The following ANPEP variants were observed in gnomAD, a reference collection of about 807,000 sequenced individuals.
ANPEP encodes aminopeptidase N.
Under a neutral mutation model 114.6 loss-of-function variants are expected in ANPEP, and 70 were observed. The observed-to-expected ratio is 0.61, with a 90% CI of 0.50 to 0.75. The LOEUF (loss-of-function observed/expected upper bound fraction) is 0.75, where lower values mean the gene tolerates loss of function less well. Among genes scored for constraint, ANPEP ranks in the 30% least tolerant of loss-of-function variants. The pLI, the probability that ANPEP is intolerant of heterozygous loss-of-function variation, is 0.00. For synonymous variants in ANPEP, 548 were observed against 522.3 expected, an observed-to-expected ratio of 1.05 and a Z score of -0.67; for missense variants, 1,184 against 1,259.5, an observed-to-expected ratio of 0.94 and a Z score of 0.91.
chr15:89,808,953 G>A (rs970697488), intron 1 of ANPEP, among the ~76,000 whole-genome samples: 3 of 152,184 alleles, frequency 2.0e-5, no homozygotes, highest in Non-Finnish European at 2.9e-5. Context: ...GCCCACCTTT[G>A]AGACTGAGGG....
intron 3 of ANPEP, 45 bp from the exon 4 acceptor site, chr15:89,805,262 A>G (rs780383791): frequency 3.1e-6 from 5 of 1,613,148 alleles, no homozygotes; most frequent in Middle Eastern, 1.6e-4. Context: ...CTCCTGCCCC[A>G]CACCCCAGCC....
At chr15:89,795,077 G>A (rs1218123189) in intron 15 of ANPEP, among the ~76,000 whole-genome samples, 2 of 141,230 alleles carry the variant, frequency 1.4e-5, no homozygotes, top group Non-Finnish European at 3.0e-5. Flanking sequence ...AACTCAAGAG[G>A]AAACGAGTCA....
intron 12 of ANPEP, 49 bp downstream of exon 12, chr15:89,801,062 C>G (rs755230314): frequency 6.5e-7 from 1 of 1,544,326 alleles, no homozygotes; most frequent in South Asian, 1.1e-5. Flanking sequence ...GGGCCAGGAG[C>G]TAGGAGTATG....
At position 89,812,257 on chromosome 15, in the gene ANPEP, C is replaced by T. The variant is rs1561459; in HGVS notation, c.-224+2515G>A. Among the ~76,000 whole-genome samples the T allele has an allele frequency of 3.0e-3, 463 of 152,366 alleles. 3 individuals carry two copies. Among genetic ancestry groups the T allele is most frequent in the African/African-American group, 0.011 (441 of 41,580 alleles). On this transcript the variant is annotated intron_variant, in intron 1 of 20. Coordinates refer to ENST00000300060, the MANE Select transcript of ANPEP (RefSeq NM_001150.3). ...GGCCCCACCCACTCCCACTCAGTGTCCCTGACTGTGAACTATGAGACTGGG... is the reference window on the plus strand; with the variant it reads ...GGCCCCACCCACTCCCACTCAGTGTTCCTGACTGTGAACTATGAGACTGGG...
Position 89,788,764 on chromosome 15 carries a change from C to CTTATTTAT in ANPEP, c.2751+1688_2751+1695dup, listed in dbSNP as rs60279331. ...TACAGGTATGCACCACCATGCCCAG[C>CTTATTTAT]TTATTTATTTATTTATTTATTTATT... is the stretch of plus-strand genomic sequence containing the variant. On this transcript the variant is annotated intron_variant, in intron 20 of 20. Coordinates refer to ENST00000300060, the MANE Select transcript of ANPEP (RefSeq NM_001150.3). Among the ~76,000 whole-genome samples the CTTATTTAT allele has an allele frequency of 2.9e-3, 416 of 144,106 alleles. 2 individuals are homozygous for CTTATTTAT. The highest frequency in any genetic ancestry group is 5.4e-3 in the African/African-American group (206 of 37,892). 94.5% of individuals were successfully genotyped at this position (144,106 alleles called of 152,430 possible).
At chr15:89,785,575 T>C in intron 20 of ANPEP, 74 bp from the exon 21 acceptor site, 3 of 1,589,108 alleles carry the variant, frequency 1.9e-6, no homozygotes, top group Admixed American at 3.5e-5. Flanking sequence ...CTCAGGCCTC[T>C]GGCTTTCCAC....
chr15:89,785,434 G>A lies in ANPEP; in HGVS notation c.2819C>T (p.Ala940Val). ...GATGTTGGCTTTCGTCTTCTCCAGG[G>A]CTTGCTCCAGGGCCCGGGTGCCTGA... ...FGSGTRALEQ[A>V]LEKTKANIKW... is the part of the protein sequence containing the mutation. The change falls in exon 21 of 21, where the codon GCC (alanine) becomes GTC (valine). Residue 940 changes from alanine (A) to valine (V), a missense_variant. Ala to Val is a moderately conservative substitution (Grantham distance 64). Coordinates refer to ENST00000300060, the MANE Select transcript of ANPEP (RefSeq NM_001150.3). The A allele has an allele frequency of 1.2e-6, 2 of 1,614,146 alleles. No individual in the cohort carries two copies. The highest frequency in any genetic ancestry group is 1.7e-6 in the Non-Finnish European group (2 of 1,179,988).
rs1303776528 is a variant in ANPEP, at chr15:89,803,266, G to A, written c.1542C>T (p.Tyr514=). Residue 514 remains tyrosine (Y), a synonymous_variant, in exon 10 of 21, where the codon TAC becomes TAT. Transcript: ENST00000300060. The surrounding 1 kb of genome is among the most constrained non-coding windows in gnomAD (Gnocchi z 4.2). The part of the protein sequence containing the change: ...LHTFAYQNTI[Y]LNLWDHLQEA... ...CCTGCAGGTGGTCCCACAGGTTCAG[G>A]TAGATGGTGTTCTGGTAGGCAAAGG... 7 of 1,614,122 alleles carry A rather than the reference G, an allele frequency of 4.3e-6. No homozygotes were observed. The highest frequency in any genetic ancestry group is 2.2e-5 in the East Asian group (1 of 44,884).
At position 89,803,443 on chromosome 15, in the gene ANPEP, G is replaced by A. The variant is rs139342584; in HGVS notation, c.1502C>T (p.Ala501Val). The A allele has an allele frequency of 2.9e-5, 46 of 1,604,574 alleles. 1 individual carries two copies. In the East Asian group the frequency reaches 8.8e-4, roughly 31 times the overall value. Residue 501 changes from alanine (A) to valine (V), a missense_variant and splice_region_variant, in exon 9 of 21, where the codon GCG (alanine) becomes GTG (valine). Coordinates refer to ENST00000300060, the MANE Select transcript of ANPEP (RefSeq NM_001150.3). This position sits in a 1 kb window ranked among gnomAD's most constrained non-coding sequence, Gnocchi z 4.2. Reference protein sequence around the residue: ...LSEDVFKQGLASYLHTFAYQN... With the variant: ...LSEDVFKQGLVSYLHTFAYQN... ...GCTGGCCCAGGGTGCAGTACTCACCGCCAGGCCCTGCTTGAATACGTCCTC... is the reference window on the plus strand; with the variant it reads ...GCTGGCCCAGGGTGCAGTACTCACCACCAGGCCCTGCTTGAATACGTCCTC...
Position 89,797,739 on chromosome 15 carries a change from G to A in ANPEP, c.2010-17C>T, listed in dbSNP as rs779627677. The A allele has an allele frequency of 3.3e-5, 54 of 1,613,490 alleles. No individual in the cohort carries two copies. In the Admixed American group the frequency reaches 3.5e-4, roughly 10 times the overall value. On this transcript the variant is annotated splice_polypyrimidine_tract_variant and intron_variant, in intron 14 of 20. Coordinates refer to ENST00000300060, the MANE Select transcript of ANPEP (RefSeq NM_001150.3). ...TTATGGGCACTGGGAATAAACAGAG[G>A]GGCCCAAGTAAAGCACCTCCACCCA...
At chr15:89,790,569 G>A in intron 19 of ANPEP, 28 bp from the exon 20 acceptor site, 2 of 1,596,358 alleles carry the variant, frequency 1.3e-6, no homozygotes, top group Non-Finnish European at 1.7e-6. Context: ...GGTGAACTGT[G>A]AGGGAGGCCG....
intron 11 of ANPEP, 56 bp downstream of exon 11, chr15:89,801,379 G>A (rs902945385): frequency 1.1e-5 from 18 of 1,597,286 alleles, no homozygotes; most frequent in Admixed American, 1.7e-5. Context: ...TGGTCCCTTA[G>A]TAACTGCCCT....
At position 89,806,822 on chromosome 15, in the gene ANPEP, A is replaced by T; in HGVS notation, c.-223-16T>A. 1.8e-6 allele frequency: 1 copy of T among 562,976 alleles called. No homozygotes were observed. Among genetic ancestry groups the T allele is most frequent in the Non-Finnish European group, 3.0e-6 (1 of 334,438 alleles). 34.9% of individuals were successfully genotyped at this position (562,976 alleles called of 1,614,324 possible). On this transcript the variant is annotated splice_polypyrimidine_tract_variant and intron_variant, in intron 1 of 20. Coordinates refer to ENST00000300060, the MANE Select transcript of ANPEP (RefSeq NM_001150.3). This position sits in a 1 kb window ranked among gnomAD's most constrained non-coding sequence, Gnocchi z 5.7. ...CGGGGGGTGCCTGCTGGAAGCAAAC[A>T]GTGTCTGGTTACAGGCTGCAGGCGG...
intron 15 of ANPEP, among the ~76,000 whole-genome samples, chr15:89,796,459 T>A (rs1567156933): frequency 6.6e-6 from 1 of 151,996 alleles, no homozygotes; most frequent in Non-Finnish European, 1.5e-5. Flanking sequence ...TCATTTACCA[T>A]AATGGATATT....
At position 89,785,478 on chromosome 15, in the gene ANPEP, G is replaced by T; in HGVS notation, c.2775C>A (p.Asn925Lys). The change falls in exon 21 of 21, where the codon AAC becomes AAA. Residue 925 changes from asparagine to lysine, a missense_variant. Physicochemically the swap from Asn to Lys is moderately conservative, Grantham distance 94. Coordinates refer to ENST00000300060, the MANE Select transcript of ANPEP (RefSeq NM_001150.3). ...TGCCTGAGCCGAAGCCTGTTTCCTC[G>T]TTGTCCTTCTTGAACTGCTCCAGCT... ...LQQLEQFKKDNEETGFGSGTR... is the reference protein window; with the variant it reads ...LQQLEQFKKDKEETGFGSGTR... 6.2e-7 allele frequency: 1 copy of T among 1,613,960 alleles called. No homozygotes were observed.
chr15:89,790,400 G>C, intron 20 of ANPEP, 60 bp downstream of exon 20: 1 of 1,498,180 alleles, frequency 6.7e-7, no homozygotes, highest in Non-Finnish European at 9.3e-7. Flanking sequence ...GAAGAATGGA[G>C]TGCCCCTTTG....
chr15:89,806,280 C>T lies in ANPEP; in HGVS notation c.304G>A (p.Val102Ile), dbSNP rs769850318. The change falls in exon 2 of 21, where the codon GTT becomes ATT. Residue 102 changes from valine to isoleucine, a missense_variant. Coordinates refer to ENST00000300060, the MANE Select transcript of ANPEP (RefSeq NM_001150.3). The surrounding 1 kb of genome is among the most constrained non-coding windows in gnomAD (Gnocchi z 5.7). ...YLTPNDRGLY[V>I]FKGSSTVRFT... ...CGGACGGTGCTGGAGCCCTTAAAAA[C>T]GTACAGGCCCCTGTCATTGGGGGTG... The T allele has an allele frequency of 1.5e-5, 25 of 1,614,064 alleles. No homozygotes were observed. The highest frequency in any genetic ancestry group is 2.2e-5 in the East Asian group (1 of 44,894).
At position 89,801,465 on chromosome 15, in the gene ANPEP, T is replaced by A; in HGVS notation, c.1712A>T (p.Asp571Val). 1 of 1,614,142 alleles carries A rather than the reference T, an allele frequency of 6.2e-7. No homozygotes were observed. ...LSQEHFLLDP[D>V]SNVTRPSEFN... is the part of the protein sequence containing the mutation. Reference sequence around the variant, plus strand: ...TTCTGAGGGGCGGGTAACATTGGAATCGGGGTCAAGGAGGAAGTGCTCCTG... The same window carrying A: ...TTCTGAGGGGCGGGTAACATTGGAAACGGGGTCAAGGAGGAAGTGCTCCTG... The change falls in exon 11 of 21, where the codon GAT becomes GTT. Residue 571 changes from aspartate to valine, a missense_variant. Asp to Val is a radical substitution (Grantham distance 152). Transcript: ENST00000300060.
At position 89,804,247 on chromosome 15, in the gene ANPEP, G is replaced by T; in HGVS notation, c.1179+6C>A. On this transcript the variant is annotated splice_donor_region_variant and intron_variant, in intron 6 of 20. Coordinates refer to ENST00000300060, the MANE Select transcript of ANPEP (RefSeq NM_001150.3). ...CTTCTCCGCACTCCCCGAGATGGGG[G>T]TCTACCTGGTGGGCCAGCTCATGAG... The T allele has an allele frequency of 6.2e-7, 1 of 1,614,148 alleles. No homozygotes were observed. The highest frequency in any genetic ancestry group is 1.1e-5 in the South Asian group (1 of 91,090).
Sources: gnomAD v4.1 joint callset for allele counts (sites outside exome capture counted in the v4.1 genomes callset) on GRCh38, gnomAD v4.1.1 for gene constraint, Gnocchi (gnomAD v3.1) non-coding constraint, MANE v1.5 for transcripts, NCBI Gene and HGNC (gene_info 2026-07-23, HGNC 2026-07-21) for gene names.